The following WDR74 variants were observed in gnomAD, a reference collection of about 807,000 sequenced individuals.
WDR74 encodes the protein WD repeat domain 74, also known as WD repeat-containing protein 74.
WDR74 carries 31 observed loss-of-function variants against 45.6 expected under a neutral mutation model. The ratio of observed to expected loss-of-function variants is 0.68; its 90% confidence interval spans 0.51 to 0.92. WDR74 has a LOEUF of 0.92. Among genes scored for constraint, WDR74 ranks in the 40% least tolerant of loss-of-function variants. WDR74 has a pLI of 0.00. For missense variants in WDR74, 455 were observed against 497.2 expected (o/e 0.92, Z 0.81); for synonymous variants, 191 against 192.4 (o/e 0.99, Z 0.06).
chr11:62,839,833 G>C, upstream of WDR74: 1 of 529,050 alleles, frequency 1.9e-6, no homozygotes, highest in Non-Finnish European at 3.4e-6. Context: ...GCCCTAGTCT[G>C]TCTCCCGGCT....
chr11:62,834,606 C>G, intron 6 of WDR74, 79 bp from the exon 7 acceptor site: 1 of 1,208,534 alleles, frequency 8.3e-7, no homozygotes, highest in Non-Finnish European at 1.2e-6. Context: ...TCACCCCCTC[C>G]CTGCACACTG....
rs114974842 is a variant in WDR74 at position 62,836,191 on chromosome 11, C to T, written c.294-155G>A. On this transcript the variant is annotated intron_variant, in intron 3 of 10. Transcript: ENST00000278856. The stretch of plus-strand genomic sequence containing the variant: ...CCCAAACTCATATCAACCAGATTCC[C>T]TACTAACAGTCCAGTTTAGAAGGAA... 5,268 of 743,892 alleles carry T rather than the reference C, an allele frequency of 7.1e-3. 202 individuals are homozygous for T. The African/African-American group carries it at 0.085, about 12-fold the overall frequency. 46.1% of individuals were successfully genotyped at this position (743,892 alleles called of 1,614,324 possible).
At chr11:62,841,462 C>G (rs893954164), upstream of WDR74, 1 of 152,206 alleles carries the variant, frequency 6.6e-6, no homozygotes, top group South Asian at 2.1e-4. Context: ...AGTTATAAAA[C>G]AAAACCTTCT....
chr11:62,839,426 C>T lies in WDR74; in HGVS notation c.67G>A (p.Val23Ile). ...VGTETGILKG[V>I]NLQRKQAANF... is the part of the protein sequence containing the mutation. ...GCCGCCTGTTTTCGCTGAAGATTTA[C>T]CCCTGAGAGACGAAGGCGTCAGTCA... is the stretch of plus-strand genomic sequence containing the variant. The change falls in exon 2 of 11, where the codon GTA (valine) becomes ATA (isoleucine). Residue 23 changes from valine (V) to isoleucine (I), a missense_variant and splice_region_variant. By Grantham distance (29) the Val-to-Ile change is conservative. Coordinates refer to ENST00000278856, the MANE Select transcript of WDR74 (RefSeq NM_001369450.1). 4 of 1,613,380 alleles carry T rather than the reference C, an allele frequency of 2.5e-6. No homozygotes were observed. Among genetic ancestry groups the T allele is most frequent in the Non-Finnish European group, 3.4e-6 (4 of 1,179,824 alleles).
intron 6 of WDR74, 177 bp downstream of exon 6, chr11:62,835,254 C>G (rs954602147): frequency 1.6e-6 from 1 of 610,048 alleles, no homozygotes; most frequent in Non-Finnish European, 2.9e-6. Flanking sequence ...GGAAACTCCA[C>G]CCTAGAATAC....
chr11:62,841,448 G>C (rs775808867), upstream of WDR74: 2 of 152,178 alleles, frequency 1.3e-5, no homozygotes, highest in African/African-American at 4.8e-5. Flanking sequence ...TACGCTCCGT[G>C]CTCAGTTATA....
In WDR74 at chr11:62,834,056, A is replaced by G. The variant is rs1419381263; in HGVS notation, c.776-119T>C. On this transcript the variant is annotated intron_variant, in intron 8 of 10. Transcript: ENST00000278856. ...ATCTGCAACAAAACCCTGAGACTGGAGCTTCTACTAATATTTCCATTTCGC... is the reference window on the plus strand; with the variant it reads ...ATCTGCAACAAAACCCTGAGACTGGGGCTTCTACTAATATTTCCATTTCGC... The G allele has an allele frequency of 5.4e-6, 8 of 1,468,806 alleles. No individual in the cohort carries two copies. The East Asian group carries it at 1.6e-4, about 29-fold the overall frequency. The allele number at this position is 1,468,806 out of a possible 1,614,324, so 91.0% of individuals were successfully genotyped here.
Position 62,833,150 on chromosome 11 carries a change from G to A in WDR74, c.979-19C>T. 6.2e-7 allele frequency: 1 copy of A among 1,611,120 alleles called. No individual in the cohort carries two copies. The highest frequency in any genetic ancestry group is 8.5e-7 in the Non-Finnish European group (1 of 1,178,926). On this transcript the variant is annotated intron_variant, in intron 10 of 10. Coordinates refer to ENST00000278856, the MANE Select transcript of WDR74 (RefSeq NM_001369450.1). Reference sequence around the variant, plus strand: ...GCTCATCCTGGTGAGTGGGAAGAAAGCTTAGGAGTCAGGGGGGCCGGGCAC... The same window carrying A: ...GCTCATCCTGGTGAGTGGGAAGAAAACTTAGGAGTCAGGGGGGCCGGGCAC...
intron 3 of WDR74, among the ~76,000 whole-genome samples, chr11:62,837,293 G>C (rs948231830): frequency 5.3e-5 from 8 of 152,040 alleles, no homozygotes; most frequent in African/African-American, 1.9e-4. Context: ...AGGAGTTCCA[G>C]ACTAGCCTGG....
upstream of WDR74, chr11:62,841,720 T>TA (rs2085065173): frequency 6.6e-6 from 1 of 152,184 alleles, no homozygotes; most frequent in African/African-American, 2.4e-5. Context: ...ATCCATTTAA[T>TA]ATATTGTCCT....
intron 3 of WDR74, 115 bp from the exon 4 acceptor site, chr11:62,836,151 A>C: frequency 9.0e-7 from 1 of 1,107,228 alleles, no homozygotes; most frequent in Non-Finnish European, 1.3e-6. Flanking sequence ...AAAAGTATAA[A>C]AGTATTCTCT....
In WDR74 at chr11:62,834,371, C is replaced by T. The variant is rs1216331678; in HGVS notation, c.720-40G>A. ...AGAGGCAAGTGGGATCAGCAGTAAC[C>T]TCCTGGAGCCCTTCTCAAGCCCCAC... On this transcript the variant is annotated intron_variant, in intron 7 of 10. Coordinates refer to ENST00000278856, the MANE Select transcript of WDR74 (RefSeq NM_001369450.1). 1.9e-6 allele frequency: 3 copies of T among 1,612,928 alleles called. No homozygotes were observed. In the African/African-American group the frequency reaches 4.0e-5, roughly 22 times the overall value.
At chr11:62,833,439 T>A in intron 10 of WDR74, 179 bp downstream of exon 10, 1 of 771,632 alleles carries the variant, frequency 1.3e-6, no homozygotes, top group South Asian at 1.9e-5. Flanking sequence ...ACCCCATCCA[T>A]GCTGTTGGCA....
At chr11:62,834,389 A>AGGGGGC in intron 7 of WDR74, 38 bp downstream of exon 7, 1 of 1,592,108 alleles carries the variant, frequency 6.3e-7, no homozygotes, top group African/African-American at 1.3e-5. Context: ...GCCCTTCTCA[A>AGGGGGC]GCCCCACCCT....
At chr11:62,838,120 T>C (rs2084985381) in intron 3 of WDR74, among the ~76,000 whole-genome samples, 1 of 152,050 alleles carries the variant, frequency 6.6e-6, no homozygotes, top group Admixed American at 6.6e-5. Flanking sequence ...ATAAATGAAT[T>C]AATAATGAAT....
intron 7 of WDR74, 37 bp downstream of exon 7, chr11:62,834,390 G>GCCGCCC: frequency 6.3e-7 from 1 of 1,584,244 alleles, no homozygotes; most frequent in Non-Finnish European, 8.6e-7. Flanking sequence ...CCCTTCTCAA[G>GCCGCCC]CCCCACCCTC....
At chr11:62,834,079 C>T (rs559102160) in intron 8 of WDR74, 142 bp from the exon 9 acceptor site, 50 of 1,427,132 alleles carry the variant, frequency 3.5e-5, no homozygotes, top group Middle Eastern at 1.9e-4. Context: ...ATTTCCATTT[C>T]GCAGGTGAGG....
upstream of WDR74, among the ~76,000 whole-genome samples, chr11:62,840,594 A>C (rs913024543): frequency 3.3e-5 from 5 of 152,306 alleles, no homozygotes; most frequent in South Asian, 8.3e-4. Flanking sequence ...TAGGAGAGGG[A>C]AGTCGCTACT....
upstream of WDR74, chr11:62,841,670 T>C (rs1042842023): frequency 7.2e-5 from 11 of 152,068 alleles, no homozygotes; most frequent in Non-Finnish European, 8.8e-5. Flanking sequence ...ATGCGTGGAG[T>C]GGACGGAGCA....
Sources: gnomAD v4.1 joint callset for allele counts (sites outside exome capture counted in the v4.1 genomes callset) on GRCh38, gnomAD v4.1.1 for gene constraint, MANE v1.5 for transcripts, NCBI Gene and HGNC (gene_info 2026-07-23, HGNC 2026-07-21) for gene names.